The following AR variants were observed in gnomAD, a reference collection of about 807,000 sequenced individuals.
AR encodes dihydrotestosterone receptor.
Under a neutral mutation model 53.9 loss-of-function variants are expected in AR, and 8 were observed. That is an observed-to-expected ratio of 0.15 (90% confidence interval 0.09 to 0.27). AR has a LOEUF of 0.27. Ranked by LOEUF, AR falls within the 10% of genes least tolerant of loss-of-function variation. The probability of loss-of-function intolerance (pLI) is 1.00; values close to 1 mark genes in which losing one functional copy is unlikely to be tolerated. For missense variants in AR, 639 were observed against 742.5 expected (o/e 0.86, Z 1.62); for synonymous variants, 359 against 316.4 (o/e 1.13, Z -1.43).
chrX:67,696,819 C>T (rs2076022855), intron 3 of AR, among the ~76,000 whole-genome samples: 1 of 111,615 alleles, frequency 9.0e-6, no homozygotes, highest in Non-Finnish European at 1.9e-5. Flanking sequence ...CACTACTGAT[C>T]CTTCTCTCCA....
intron 1 of AR, among the ~76,000 whole-genome samples, chrX:67,607,950 G>A (rs1923707207): frequency 8.9e-6 from 1 of 111,794 alleles, no homozygotes; most frequent in Non-Finnish European, 1.9e-5. Context: ...TGTTGCCCAT[G>A]TGCAAGCTGA....
chrX:67,565,773 A>G (rs372493018), intron 1 of AR, among the ~76,000 whole-genome samples: 1 of 111,414 alleles, frequency 9.0e-6, no homozygotes, highest in South Asian at 3.8e-4. Flanking sequence ...TCTCACTGCA[A>G]CCTCTGCCTC....
At chrX:67,628,222 T>A (rs1158794150) in intron 1 of AR, among the ~76,000 whole-genome samples, 2 of 109,298 alleles carry the variant, frequency 1.8e-5, no homozygotes, top group Admixed American at 9.9e-5. Flanking sequence ...ATAAATTACC[T>A]TGGGCAGTAT....
chrX:67,711,589 C>T lies in AR; in HGVS notation c.2073C>T (p.Asp691=), dbSNP rs764962411. 5.0e-6 allele frequency: 6 copies of T among 1,211,570 alleles called. No homozygotes were observed. Among genetic ancestry groups the T allele is most frequent in the Non-Finnish European group, 4.5e-6 (4 of 895,408 alleles). Residue 691 remains aspartate (D), a synonymous_variant, in exon 4 of 8, where the codon GAC becomes GAT. Coordinates refer to ENST00000374690, the MANE Select transcript of AR (RefSeq NM_000044.6). The stretch of plus-strand genomic sequence containing the variant: ...CAGGTGTAGTGTGTGCTGGACACGA[C>T]AACAACCAGCCCGACTCCTTTGCAG... ...IEPGVVCAGH[D]NNQPDSFAAL... is the part of the protein sequence containing the mutation.
At chrX:67,559,287 G>A (rs775463527) in intron 1 of AR, among the ~76,000 whole-genome samples, 7 of 111,778 alleles carry the variant, frequency 6.3e-5, no homozygotes, top group Non-Finnish European at 9.4e-5. Flanking sequence ...TTCCTCCTCC[G>A]TATTGTTCTG....
intron 1 of AR, among the ~76,000 whole-genome samples, chrX:67,623,065 G>T (rs554495624): frequency 9.0e-6 from 1 of 111,125 alleles, no homozygotes; most frequent in African/African-American, 3.3e-5. Flanking sequence ...CTTTCTTCAC[G>T]ATGGGGACTA....
intron 1 of AR, among the ~76,000 whole-genome samples, chrX:67,597,172 A>G (rs1297663302): frequency 1.8e-5 from 2 of 112,312 alleles, no homozygotes; most frequent in East Asian, 2.8e-4. Context: ...TTTGTGGGCC[A>G]TATGATCTCT....
At chrX:67,702,822 G>A (rs763298499) in intron 3 of AR, among the ~76,000 whole-genome samples, 2 of 112,179 alleles carry the variant, frequency 1.8e-5, no homozygotes, top group South Asian at 3.7e-4. Context: ...GGTGGCTCAC[G>A]CCTATAATCC....
chrX:67,561,424 T>A (rs1023085322), intron 1 of AR, among the ~76,000 whole-genome samples: 5 of 111,767 alleles, frequency 4.5e-5, no homozygotes, highest in Non-Finnish European at 7.5e-5. Flanking sequence ...AAATAACAAT[T>A]CGACAGTAAA....
chrX:67,604,520 A>T lies in AR; in HGVS notation c.1617-38736A>T, dbSNP rs774687093. Among the ~76,000 whole-genome samples, 5 of 111,065 alleles carry T rather than the reference A, an allele frequency of 4.5e-5. No homozygotes were observed. The Admixed American group carries it at 4.8e-4, about 11-fold the overall frequency. On this transcript the variant is annotated intron_variant, in intron 1 of 7. Transcript: ENST00000374690. Reference sequence around the variant, plus strand: ...TTTGTCACTTTCTCTAACCCTTAGCATGTATAAACTGATCTGTTGGGAAAT... The same window carrying T: ...TTTGTCACTTTCTCTAACCCTTAGCTTGTATAAACTGATCTGTTGGGAAAT...
intron 3 of AR, chrX:67,694,797 C>A (rs1272235574): frequency 8.8e-7 from 1 of 1,135,265 alleles, no homozygotes; most frequent in Non-Finnish European, 1.2e-6. Flanking sequence ...AACCTGGCGT[C>A]TGAGGCTTAG....
intron 1 of AR, among the ~76,000 whole-genome samples, chrX:67,632,073 A>T: frequency 8.9e-6 from 1 of 112,710 alleles, no homozygotes; most frequent in East Asian, 2.8e-4. Flanking sequence ...AAGTCTGCAG[A>T]GGTTACTGCT....
intron 3 of AR, 99 bp downstream of exon 3, chrX:67,686,225 C>G (rs2147498204): frequency 1.1e-6 from 1 of 910,007 alleles, no homozygotes; most frequent in East Asian, 3.4e-5. Context: ...TTGATGCTTC[C>G]AAGGGGACCA....
chrX:67,710,084 G>A (rs771313997), intron 3 of AR, among the ~76,000 whole-genome samples: 23 of 108,020 alleles, frequency 2.1e-4, no homozygotes, highest in East Asian at 2.9e-4. Flanking sequence ...GTGAGTGTGC[G>A]TGTGTGTGTG....
At chrX:67,582,176 C>T (rs1332981646) in intron 1 of AR, among the ~76,000 whole-genome samples, 1 of 112,047 alleles carries the variant, frequency 8.9e-6, no homozygotes, top group Non-Finnish European at 1.9e-5. Flanking sequence ...TACAGCATCT[C>T]TTCTGATTCT....
In AR at chrX:67,647,007, G is replaced by T. The variant is rs763896905; in HGVS notation, c.1768+3600G>T. The stretch of plus-strand genomic sequence containing the variant: ...ATTTTCTCCTTGTGATCATTGCTGG[G>T]TAACTTCCTTTCTTTTCTATTTTCT... On this transcript the variant is annotated intron_variant, in intron 2 of 7. Transcript: ENST00000374690. Among the ~76,000 whole-genome samples, 4 of 111,165 alleles carry T rather than the reference G, an allele frequency of 3.6e-5. No individual in the cohort carries two copies. The East Asian group carries it at 1.1e-3, about 32-fold the overall frequency.
intron 1 of AR, among the ~76,000 whole-genome samples, chrX:67,615,604 GA>G (rs1397832205): frequency 4.1e-4 from 45 of 110,866 alleles, no homozygotes; most frequent in Admixed American, 8.6e-4. Flanking sequence ...TAATCTGCAT[GA>G]AAAAAAATTC....
chrX:67,647,937 A>G (rs1174733126), intron 2 of AR, among the ~76,000 whole-genome samples: 1 of 111,970 alleles, frequency 8.9e-6, no homozygotes, highest in Admixed American at 9.5e-5. Flanking sequence ...TTTCTTTTTT[A>G]CCATTTAAAA....
rs778867463 is a variant in AR at position 67,578,482 on chromosome X, T to G, written c.1616+31720T>G. Among the ~76,000 whole-genome samples the G allele has an allele frequency of 3.6e-5, 4 of 111,910 alleles. No individual in the cohort carries two copies. In the South Asian group the frequency reaches 1.1e-3, roughly 31 times the overall value. On this transcript the variant is annotated intron_variant, in intron 1 of 7. Transcript: ENST00000374690. ...TAAAATAAACTCAAGTGGGAAATCA[T>G]GAAACCCCATGTAAAAACAATAAGA...
Sources: allele counts gnomAD v4.1 joint callset (sites outside exome capture counted in the v4.1 genomes callset), GRCh38; gene constraint gnomAD v4.1.1; transcripts MANE v1.5; gene names NCBI Gene and HGNC (gene_info 2026-07-23, HGNC 2026-07-21).